Variants in PADI2 observed in about 807,000 individuals in gnomAD.
The protein encoded by PADI2 is protein-arginine deiminase type-2.
PADI2 carries 70 observed loss-of-function variants against 81.1 expected under a neutral mutation model. The observed-to-expected ratio is 0.86, with a 90% CI of 0.71 to 1.05. PADI2 has a LOEUF of 1.05. Ranked by LOEUF, PADI2 falls within the 50% of genes least tolerant of loss-of-function variation. The pLI, the probability that PADI2 is intolerant of heterozygous loss-of-function variation, is 0.00. For synonymous variants in PADI2, 338 were observed against 358.0 expected (o/e 0.94, Z 0.63); for missense variants, 853 against 889.9 (o/e 0.96, Z 0.53).
chr1:17,071,989 A>G (rs567623675), intron 13 of PADI2, among the ~76,000 whole-genome samples: 1 of 151,158 alleles, frequency 6.6e-6, no homozygotes. Flanking sequence ...GTAATGCCTA[A>G]TGCTCAATGA....
intron 14 of PADI2, 130 bp from the exon 15 acceptor site, chr1:17,070,346 G>A (rs536813941): frequency 3.8e-5 from 44 of 1,148,508 alleles, no homozygotes; most frequent in Non-Finnish European, 4.6e-5. Context: ...AGCAGTCAGC[G>A]GGCGCCTCTG....
intron 6 of PADI2, among the ~76,000 whole-genome samples, chr1:17,088,847 T>C (rs544426917): frequency 7.5e-6 from 1 of 133,726 alleles, no homozygotes. Context: ...GCAGAGATTG[T>C]GGTGAGCCAA....
chr1:17,114,663 G>A (rs896547493), intron 1 of PADI2, among the ~76,000 whole-genome samples: 1 of 141,766 alleles, frequency 7.1e-6, no homozygotes, highest in African/African-American at 3.1e-5. Context: ...AGAAAAAAAT[G>A]TGATGAAACA....
chr1:17,071,411 A>C lies in PADI2; in HGVS notation c.1630T>G (p.Phe544Val), dbSNP rs763104189. The C allele has an allele frequency of 4.3e-6, 7 of 1,611,608 alleles. No homozygotes were observed. Among genetic ancestry groups the C allele is most frequent in the African/African-American group, 1.3e-5 (1 of 74,986 alleles). The change falls in exon 14 of 16, where the codon TTC becomes GTC. Residue 544 changes from phenylalanine to valine, a missense_variant. Phe to Val is a conservative substitution (Grantham distance 50). Transcript: ENST00000375486. ...CACCCCTGCCCTGCCCTCACCTGGAAGTACAGGTTCTCCTGCACAAGGCTC... is the reference window on the plus strand; with the variant it reads ...CACCCCTGCCCTGCCCTCACCTGGACGTACAGGTTCTCCTGCACAAGGCTC... ...NESLVQENLYFQRCLDWNRDI... is the reference protein window; with the variant it reads ...NESLVQENLYVQRCLDWNRDI...
At chr1:17,108,378 CT>C (rs940926673) in intron 1 of PADI2, among the ~76,000 whole-genome samples, 1 of 152,110 alleles carries the variant, frequency 6.6e-6, no homozygotes, top group African/African-American at 2.4e-5. Flanking sequence ...GAATGTCCAT[CT>C]GTTAGTCCCT....
At chr1:17,093,080 A>ATTCTTC (rs536299964) in intron 5 of PADI2, among the ~76,000 whole-genome samples, 8 of 149,990 alleles carry the variant, frequency 5.3e-5, no homozygotes, top group African/African-American at 9.8e-5. Flanking sequence ...TTTTCTTTTT[A>ATTCTTC]TTCTTCTTCT....
chr1:17,108,061 G>T (rs1931450043), intron 1 of PADI2, among the ~76,000 whole-genome samples: 1 of 151,114 alleles, frequency 6.6e-6, no homozygotes, highest in South Asian at 2.1e-4. Flanking sequence ...CGATTCTCCT[G>T]CCTCAGCCTC....
At chr1:17,083,261 C>G in intron 9 of PADI2, 1 of 164,486 alleles carries the variant, frequency 6.1e-6, no homozygotes, top group Non-Finnish European at 1.3e-5. Flanking sequence ...GGGAGGATTG[C>G]TTAAGCCCGC....
intron 9 of PADI2, chr1:17,083,396 T>C: frequency 3.9e-6 from 1 of 259,134 alleles, no homozygotes. Flanking sequence ...ATGTTTTCCG[T>C]TGAGTAACAA....
In PADI2 at chr1:17,066,925, G is replaced by A. The variant is rs1332542864; in HGVS notation, c.*2119C>T. The A allele has an allele frequency of 6.6e-6, 1 of 152,034 alleles. No individual in the cohort carries two copies. The highest frequency in any genetic ancestry group is 1.9e-4 in the East Asian group (1 of 5,182). The allele number at this position is 152,034 out of a possible 1,614,324, so 9.4% of individuals were successfully genotyped here. A position where few individuals can be genotyped will look rare whatever the true frequency, so the allele number is the denominator to read the frequency against. On this transcript the variant is annotated 3_prime_UTR_variant, in exon 16 of 16. Transcript: ENST00000375486. ...TTACATAAGATATTTCAACATCAAGGTGGAAGCAGGAACTTAGCTGAGTTT... is the reference window on the plus strand; with the variant it reads ...TTACATAAGATATTTCAACATCAAGATGGAAGCAGGAACTTAGCTGAGTTT...
In PADI2 at chr1:17,082,612, C is replaced by A; in HGVS notation, c.1091G>T (p.Gly364Val). Residue 364 changes from glycine to valine, a missense_variant, in exon 10 of 16, where the codon GGC becomes GTC. Transcript: ENST00000375486. The stretch of plus-strand genomic sequence containing the variant: ...GGGAGAGTCCAGCACCACGGGGAAG[C>A]CTTTATGGGGGGCCTCGATGTAGCC... ...EFGYIEAPHK[G>V]FPVVLDSPRD... 1.2e-6 allele frequency: 2 copies of A among 1,611,316 alleles called. No individual in the cohort carries two copies. The highest frequency in any genetic ancestry group is 1.7e-6 in the Non-Finnish European group (2 of 1,179,060).
At chr1:17,105,876 C>T (rs936890107) in intron 1 of PADI2, among the ~76,000 whole-genome samples, 4 of 152,122 alleles carry the variant, frequency 2.6e-5, no homozygotes, top group Middle Eastern at 3.2e-3. Flanking sequence ...GTATGAGGGT[C>T]GGGCCTGGGG....
intron 7 of PADI2, 21 bp from the exon 8 acceptor site, chr1:17,084,723 G>A (rs182802528): frequency 3.4e-5 from 50 of 1,477,404 alleles, no homozygotes; most frequent in Middle Eastern, 1.7e-4. Context: ...GAGACAAGGC[G>A]TGGGGGATCA....
intron 6 of PADI2, among the ~76,000 whole-genome samples, chr1:17,087,319 C>T (rs577127177): frequency 6.6e-6 from 1 of 152,134 alleles, no homozygotes; most frequent in African/African-American, 2.4e-5. Flanking sequence ...CCCAGTTTGA[C>T]TTGTGCTCTC....
At position 17,079,299 on chromosome 1, in the gene PADI2, C is replaced by G; in HGVS notation, c.1275G>C (p.Pro425=). The G allele has an allele frequency of 1.2e-6, 2 of 1,614,006 alleles. No individual in the cohort carries two copies. Among genetic ancestry groups the G allele is most frequent in the Non-Finnish European group, 1.7e-6 (2 of 1,179,940 alleles). ...PPVTVNGKTY[P]LGRILIGSSF... is the part of the protein sequence containing the mutation. ...TGCTCCCGATGAGGATGCGGCCAAGCGGGTATGTCTTGCCGTTCACGGTCA... is the reference window on the plus strand; with the variant it reads ...TGCTCCCGATGAGGATGCGGCCAAGGGGGTATGTCTTGCCGTTCACGGTCA... Residue 425 remains proline, a synonymous_variant, in exon 11 of 16, where the codon CCG becomes CCC. Coordinates refer to ENST00000375486, the MANE Select transcript of PADI2 (RefSeq NM_007365.3).
intron 3 of PADI2, among the ~76,000 whole-genome samples, chr1:17,102,367 G>A (rs111470719): frequency 9.3e-4 from 141 of 152,334 alleles, no homozygotes; most frequent in Admixed American, 1.7e-3. Flanking sequence ...GGCACCCAGC[G>A]CAGGGCAGTG....
intron 7 of PADI2, among the ~76,000 whole-genome samples, chr1:17,085,469 C>T (rs1399866769): frequency 6.6e-6 from 1 of 152,146 alleles, no homozygotes; most frequent in Admixed American, 6.5e-5. Context: ...GAAGCCCCAT[C>T]CCCGTCCCCT....
chr1:17,073,216 G>A (rs1358511452), intron 13 of PADI2, among the ~76,000 whole-genome samples: 2 of 152,136 alleles, frequency 1.3e-5, no homozygotes, highest in Non-Finnish European at 2.9e-5. Context: ...AGGAGATTGA[G>A]ACCATCCCGG....
At chr1:17,107,674 C>T (rs140301505) in intron 1 of PADI2, among the ~76,000 whole-genome samples, 16 of 152,308 alleles carry the variant, frequency 1.1e-4, no homozygotes, top group African/African-American at 2.4e-4. Flanking sequence ...AGGCCGTGAG[C>T]GTGAATCTGT....
Sources: gnomAD v4.1 joint callset for allele counts (sites outside exome capture counted in the v4.1 genomes callset) on GRCh38, gnomAD v4.1.1 for gene constraint, MANE v1.5 for transcripts, NCBI Gene and HGNC (gene_info 2026-07-23, HGNC 2026-07-21) for gene names.